CSMD1: variants seen among roughly 807,000 people sequenced by gnomAD.
The protein encoded by CSMD1 is CUB and sushi domain-containing protein 1.
CSMD1 carries 213 observed loss-of-function variants against 417.5 expected under a neutral mutation model. The ratio of observed to expected loss-of-function variants is 0.51; its 90% CI spans 0.46 to 0.57. The LOEUF (loss-of-function observed/expected upper bound fraction) is 0.57. Among genes scored for constraint, CSMD1 ranks in the 20% least tolerant of loss-of-function variants. The pLI, the probability that CSMD1 is intolerant of heterozygous loss-of-function variation, is 0.00. For missense variants in CSMD1, 6,923 were observed against 4,529.7 expected (o/e 1.53, Z -15.17); for synonymous variants, 2,862 against 1,736.8 (o/e 1.65, Z -16.11).
intron 50 of CSMD1, among the ~76,000 whole-genome samples, chr8:3,037,092 G>C (rs6997182): frequency 0.22 from 33,965 of 152,110 alleles, 4,318 homozygotes; most frequent in Non-Finnish European, 0.29. Context: ...TTCCATTCCT[G>C]AGTTACTTCA....
intron 2 of CSMD1, among the ~76,000 whole-genome samples, chr8:4,431,315 G>A (rs1243956935): frequency 5.9e-5 from 9 of 152,076 alleles, no homozygotes; most frequent in South Asian, 2.1e-4. Context: ...TTTTTACTTC[G>A]TGATTTTCTT....
At chr8:3,411,288 C>A (rs1006849522) in intron 12 of CSMD1, among the ~76,000 whole-genome samples, 1 of 152,110 alleles carries the variant, frequency 6.6e-6, no homozygotes, top group African/African-American at 2.4e-5. Flanking sequence ...CATGGGCTTG[C>A]ACTTTATTAT....
At chr8:3,597,646 C>T (rs569503172) in intron 8 of CSMD1, among the ~76,000 whole-genome samples, 2 of 152,242 alleles carry the variant, frequency 1.3e-5, no homozygotes, top group African/African-American at 2.4e-5. Context: ...CCATGGAATA[C>T]TATGCAGCCA....
intron 5 of CSMD1, among the ~76,000 whole-genome samples, chr8:3,952,303 C>T (rs964281220): frequency 2.0e-5 from 3 of 152,104 alleles, no homozygotes; most frequent in South Asian, 2.1e-4. Flanking sequence ...CGAAAGGTGT[C>T]GTGGCTATAA....
At chr8:4,268,579 T>C (rs1471835619) in intron 3 of CSMD1, among the ~76,000 whole-genome samples, 2 of 152,178 alleles carry the variant, frequency 1.3e-5, no homozygotes, top group Admixed American at 6.5e-5. Flanking sequence ...AATATCCTCA[T>C]TTCCAAAGAC....
At chr8:4,967,516 A>C (rs9942743) in intron 1 of CSMD1, among the ~76,000 whole-genome samples, 77,798 of 151,978 alleles carry the variant, frequency 0.51, 20,510 homozygotes, top group Middle Eastern at 0.62. Context: ...ACTATTCCAT[A>C]CCTATCTCTA....
At chr8:3,891,774 G>C (rs1021538194) in intron 5 of CSMD1, among the ~76,000 whole-genome samples, 1 of 151,982 alleles carries the variant, frequency 6.6e-6, no homozygotes, top group Non-Finnish European at 1.5e-5. Flanking sequence ...GCTTCATAAC[G>C]TCATTACTAT....
At chr8:4,271,054 G>C (rs1415731523) in intron 3 of CSMD1, among the ~76,000 whole-genome samples, 1 of 152,184 alleles carries the variant, frequency 6.6e-6, no homozygotes, top group Non-Finnish European at 1.5e-5. Context: ...TTTCCTAGAA[G>C]AGCTGGTGCA....
chr8:3,719,455 A>T (rs1443891807), intron 6 of CSMD1, among the ~76,000 whole-genome samples: 1 of 152,202 alleles, frequency 6.6e-6, no homozygotes, highest in Non-Finnish European at 1.5e-5. Context: ...CAGAATCTCA[A>T]GAAAAGTGGG....
chr8:3,924,213 C>G (rs1809479222), intron 5 of CSMD1, among the ~76,000 whole-genome samples: 1 of 152,130 alleles, frequency 6.6e-6, no homozygotes, highest in Admixed American at 6.6e-5. Context: ...TATATCGATC[C>G]ATTTTTTCCT....
intron 16 of CSMD1, among the ~76,000 whole-genome samples, chr8:3,398,911 A>T (rs1811864518): frequency 6.6e-6 from 1 of 152,194 alleles, no homozygotes. Context: ...AATGTCACTC[A>T]TAGGCGATTA....
chr8:3,851,579 C>G (rs372329633), intron 5 of CSMD1, among the ~76,000 whole-genome samples: 1 of 152,038 alleles, frequency 6.6e-6, no homozygotes, highest in Non-Finnish European at 1.5e-5. Context: ...TGCTGCAGGC[C>G]AAGGGAGGGC....
At chr8:4,412,019 G>A (rs964372409) in intron 3 of CSMD1, among the ~76,000 whole-genome samples, 2 of 122,406 alleles carry the variant, frequency 1.6e-5, no homozygotes, top group African/African-American at 5.7e-5. Flanking sequence ...TGTGTGTGTA[G>A]CCAGGGCAAA....
chr8:3,393,635 T>C (rs780209678), intron 17 of CSMD1, among the ~76,000 whole-genome samples: 18 of 152,064 alleles, frequency 1.2e-4, no homozygotes, highest in Non-Finnish European at 2.5e-4. Context: ...ATGGCACATA[T>C]ACACAATGGA....
chr8:3,516,363 C>T (rs565164518), intron 10 of CSMD1, among the ~76,000 whole-genome samples: 7 of 152,282 alleles, frequency 4.6e-5, no homozygotes, highest in South Asian at 2.1e-4. Context: ...TGCAAGACAG[C>T]TTAGTATAAT....
At chr8:4,444,798 T>A (rs1221965319) in intron 2 of CSMD1, among the ~76,000 whole-genome samples, 3 of 152,186 alleles carry the variant, frequency 2.0e-5, no homozygotes, top group Non-Finnish European at 2.9e-5. Flanking sequence ...TTATTCCAGA[T>A]AATCAGATGC....
At chr8:4,415,507 C>G (rs1016964190) in intron 3 of CSMD1, among the ~76,000 whole-genome samples, 3 of 152,190 alleles carry the variant, frequency 2.0e-5, no homozygotes, top group East Asian at 1.9e-4. Context: ...TAGACCTGCT[C>G]TTTCCCTTGC....
At chr8:4,336,786 A>G (rs1041395515) in intron 3 of CSMD1, among the ~76,000 whole-genome samples, 1 of 152,068 alleles carries the variant, frequency 6.6e-6, no homozygotes, top group Non-Finnish European at 1.5e-5. Flanking sequence ...CCAGAGGGAG[A>G]TGCCGCCTGG....
At chr8:4,953,549 C>T (rs2117295158) in intron 1 of CSMD1, among the ~76,000 whole-genome samples, 1 of 152,222 alleles carries the variant, frequency 6.6e-6, no homozygotes, top group South Asian at 2.1e-4. Context: ...AAACCTTTAT[C>T]TCAATTTGTT....
Sources: gnomAD v4.1 joint callset for allele counts (sites outside exome capture counted in the v4.1 genomes callset) on GRCh38, gnomAD v4.1.1 for gene constraint, MANE v1.5 for transcripts, NCBI Gene and HGNC (gene_info 2026-07-23, HGNC 2026-07-21) for gene names.